The following PTH2R variants were observed in gnomAD, a reference collection of about 807,000 sequenced individuals.
The protein encoded by PTH2R is PTH2 receptor.
A neutral mutation model predicts 60.3 loss-of-function variants in PTH2R; 59 were observed. The observed-to-expected ratio is 0.98, with a 90% CI of 0.79 to 1.22. The LOEUF is 1.22. Ranked by LOEUF, PTH2R falls within the 50% of genes most tolerant of loss-of-function variation. The pLI, the probability that PTH2R is intolerant of heterozygous loss-of-function variation, is 0.00. For synonymous variants in PTH2R, 256 were observed against 243.8 expected, an observed-to-expected ratio of 1.05 and a Z score of -0.47; for missense variants, 749 against 682.6, an observed-to-expected ratio of 1.10 and a Z score of -1.08.
chr2:208,415,526 C>T (rs1170107230), intron 1 of PTH2R, among the ~76,000 whole-genome samples: 1 of 152,100 alleles, frequency 6.6e-6, no homozygotes, highest in African/African-American at 2.4e-5. Context: ...CCAGGGAGAA[C>T]CCATCATGTC....
chr2:208,402,994 T>C (rs1404263132), upstream of PTH2R, among the ~76,000 whole-genome samples: 2 of 152,246 alleles, frequency 1.3e-5, no homozygotes, highest in Non-Finnish European at 2.9e-5. Context: ...TTCTGAGTTA[T>C]AGTTTCCTCA....
chr2:208,420,757 C>G (rs938341873), intron 1 of PTH2R, among the ~76,000 whole-genome samples: 6 of 152,208 alleles, frequency 3.9e-5, no homozygotes, highest in Non-Finnish European at 8.8e-5. Flanking sequence ...AGGAAATTGA[C>G]ATTGATATAA....
At chr2:208,360,899 G>A in intron 1 of PTH2R, 1 of 206,018 alleles carries the variant, frequency 4.9e-6, no homozygotes, top group Non-Finnish European at 1.0e-5. Context: ...CGCACTTGAT[G>A]TATACCGAGG....
chr2:208,475,715 A>T (rs1702986757), intron 9 of PTH2R, among the ~76,000 whole-genome samples: 1 of 152,178 alleles, frequency 6.6e-6, no homozygotes, highest in Non-Finnish European at 1.5e-5. Flanking sequence ...TATTAGGAAT[A>T]TATGGGGCAG....
intron 4 of PTH2R, among the ~76,000 whole-genome samples, chr2:208,439,028 G>C (rs1394710786): frequency 6.6e-6 from 1 of 152,100 alleles, no homozygotes; most frequent in Non-Finnish European, 1.5e-5. Context: ...TGCTTCAAAA[G>C]AATTTCAGTC....
chr2:208,377,084 C>G (rs1322184544), intron 1 of PTH2R, among the ~76,000 whole-genome samples: 2 of 151,920 alleles, frequency 1.3e-5, no homozygotes. Flanking sequence ...CTTAACGAGT[C>G]TGCTGCCTTC....
intron 2 of PTH2R, among the ~76,000 whole-genome samples, chr2:208,429,000 G>A (rs772454858): frequency 2.6e-5 from 4 of 151,338 alleles, no homozygotes; most frequent in Non-Finnish European, 5.9e-5. Context: ...CAGGAGAATC[G>A]CTTGAACCCG....
chr2:208,406,046 G>A (rs931119642), upstream of PTH2R, among the ~76,000 whole-genome samples: 1 of 152,102 alleles, frequency 6.6e-6, no homozygotes, highest in Non-Finnish European at 1.5e-5. Context: ...GGAGGTTCTC[G>A]CATTTCTCCC....
intron 7 of PTH2R, among the ~76,000 whole-genome samples, chr2:208,446,430 C>A (rs1238662390): frequency 1.3e-5 from 2 of 152,188 alleles, no homozygotes; most frequent in Admixed American, 6.5e-5. Context: ...ATAGAAATGA[C>A]AACTACAATA....
intron 9 of PTH2R, among the ~76,000 whole-genome samples, chr2:208,474,533 A>C (rs907185320): frequency 6.6e-6 from 1 of 152,234 alleles, no homozygotes; most frequent in African/African-American, 2.4e-5. Context: ...AGCGCAGAGA[A>C]GGGTTTTCCC....
intron 8 of PTH2R, among the ~76,000 whole-genome samples, chr2:208,456,359 C>T (rs986718649): frequency 6.6e-6 from 1 of 152,114 alleles, no homozygotes; most frequent in Non-Finnish European, 1.5e-5. Flanking sequence ...AAAGCAAAAA[C>T]ACCTTACACG....
At chr2:208,453,900 C>T (rs1046708961) in intron 8 of PTH2R, among the ~76,000 whole-genome samples, 8 of 152,084 alleles carry the variant, frequency 5.3e-5, no homozygotes, top group Admixed American at 5.2e-4. Flanking sequence ...CTTCATTGTG[C>T]GTAAAGAAAC....
chr2:208,430,826 A>T (rs1701956864), intron 2 of PTH2R, among the ~76,000 whole-genome samples: 1 of 151,830 alleles, frequency 6.6e-6, no homozygotes, highest in African/African-American at 2.4e-5. Context: ...CTGCCTCCCA[A>T]AGTGCTGGGA....
intron 1 of PTH2R, among the ~76,000 whole-genome samples, chr2:208,409,946 A>T (rs993126334): frequency 6.6e-6 from 1 of 152,142 alleles, no homozygotes; most frequent in Admixed American, 6.5e-5. Context: ...TGCTTGTGAA[A>T]GTTGAAAGGG....
intron 10 of PTH2R, 55 bp downstream of exon 10, chr2:208,481,219 CTT>C (rs34570534): frequency 0.15 from 118,324 of 815,966 alleles, 326 homozygotes; most frequent in Middle Eastern, 0.17. Flanking sequence ...TATTTCTTTC[CTT>C]TTTTTTTTTT....
intron 1 of PTH2R, among the ~76,000 whole-genome samples, chr2:208,420,786 A>T (rs1701739101): frequency 1.3e-5 from 2 of 152,220 alleles, no homozygotes; most frequent in African/African-American, 4.8e-5. Context: ...TCTTATGCAG[A>T]TTCCATTGGT....
chr2:208,486,852 A>G (rs1481496946), intron 10 of PTH2R, among the ~76,000 whole-genome samples: 2 of 152,184 alleles, frequency 1.3e-5, no homozygotes, highest in African/African-American at 4.8e-5. Flanking sequence ...GAATAGATTT[A>G]AGGTAGAATC....
chr2:208,380,651 T>C (rs947221975), intron 1 of PTH2R, among the ~76,000 whole-genome samples: 5 of 152,094 alleles, frequency 3.3e-5, no homozygotes, highest in Non-Finnish European at 7.3e-5. Context: ...GCCACATTTC[T>C]CTAGTGTATG....
chr2:208,468,706 AT>A (rs1702811484), intron 9 of PTH2R, among the ~76,000 whole-genome samples: 2 of 152,180 alleles, frequency 1.3e-5, no homozygotes, highest in African/African-American at 4.8e-5. Context: ...TCTAAATTAG[AT>A]TACCAATTGT....
Sources: allele counts gnomAD v4.1 joint callset (sites outside exome capture counted in the v4.1 genomes callset), GRCh38; gene constraint gnomAD v4.1.1; transcripts MANE v1.5; gene names NCBI Gene and HGNC (gene_info 2026-07-23, HGNC 2026-07-21).